CNTN5: variants seen among roughly 807,000 people sequenced by gnomAD.
CNTN5 encodes the protein contactin-5.
Under a neutral mutation model 129.1 loss-of-function variants are expected in CNTN5, and 77 were observed. The ratio of observed to expected loss-of-function variants is 0.60; its 90% CI spans 0.50 to 0.72. The LOEUF (loss-of-function observed/expected upper bound fraction) is 0.72, where lower values mean the gene tolerates loss of function less well. CNTN5 is among the 30% of genes least tolerant of loss of function. The pLI is 0.00. For synonymous variants in CNTN5, 509 were observed against 465.6 expected (o/e 1.09, Z -1.20); for missense variants, 1,478 against 1,328.8 (o/e 1.11, Z -1.75).
At chr11:99,683,294 A>G (rs1474020648) in intron 3 of CNTN5, among the ~76,000 whole-genome samples, 1 of 151,822 alleles carries the variant, frequency 6.6e-6, no homozygotes, top group Non-Finnish European at 1.5e-5. Context: ...TTTTTCATCT[A>G]GTCTCCACCT....
intron 2 of CNTN5, among the ~76,000 whole-genome samples, chr11:99,361,849 A>G (rs560067534): frequency 6.6e-6 from 1 of 152,138 alleles, no homozygotes; most frequent in Non-Finnish European, 1.5e-5. Flanking sequence ...ATAATATTCC[A>G]TTGTATGTAT....
At chr11:99,840,485 C>G (rs1454829527) in intron 4 of CNTN5, among the ~76,000 whole-genome samples, 1 of 151,734 alleles carries the variant, frequency 6.6e-6, no homozygotes, top group Non-Finnish European at 1.5e-5. Flanking sequence ...AGAGAATAAA[C>G]AGATTATTTC....
rs56798566 is a variant in CNTN5 at position 99,576,717 on chromosome 11, G to C, written c.55+20448G>C. Reference sequence around the variant, plus strand: ...CCAAAATCCAGTTGCCTGCAGATTTGGTGTTTGGGGAGGGTGTGTTTTGTC... The same window carrying C: ...CCAAAATCCAGTTGCCTGCAGATTTCGTGTTTGGGGAGGGTGTGTTTTGTC... On this transcript the variant is annotated intron_variant, in intron 3 of 24. Coordinates refer to ENST00000524871, the MANE Select transcript of CNTN5 (RefSeq NM_014361.4). Among the ~76,000 whole-genome samples, 890 of 152,222 alleles carry C rather than the reference G, an allele frequency of 5.8e-3. 8 individuals carry two copies. Among genetic ancestry groups the C allele is most frequent in the African/African-American group, 0.02 (826 of 41,530 alleles).
intron 18 of CNTN5, among the ~76,000 whole-genome samples, chr11:100,285,668 C>A (rs564765221): frequency 6.6e-6 from 1 of 152,332 alleles, no homozygotes; most frequent in South Asian, 2.1e-4. Context: ...TTTTCCTACA[C>A]TGTATTCCGT....
Position 99,239,664 on chromosome 11 carries a change from G to A in CNTN5, c.-209-85682G>A, listed in dbSNP as rs369559806. 4.6e-5 allele frequency among the ~76,000 whole-genome samples: 7 copies of A among 152,222 alleles called. No individual in the cohort carries two copies. The South Asian group carries it at 1.2e-3, about 27-fold the overall frequency. On this transcript the variant is annotated intron_variant, in intron 1 of 24. Transcript: ENST00000524871. Reference sequence around the variant, plus strand: ...CAAAAAGTCACATAAGGCCGGGCGCGGTGGCTCACGCCTGTAATCCCAGCA... The same window carrying A: ...CAAAAAGTCACATAAGGCCGGGCGCAGTGGCTCACGCCTGTAATCCCAGCA...
intron 10 of CNTN5, among the ~76,000 whole-genome samples, chr11:100,069,450 G>A (rs1474829766): frequency 6.6e-6 from 1 of 152,076 alleles, no homozygotes; most frequent in Non-Finnish European, 1.5e-5. Context: ...CACCGTCCCA[G>A]GTCCAACGTG....
intron 3 of CNTN5, among the ~76,000 whole-genome samples, chr11:99,651,699 A>C (rs897049869): frequency 6.6e-6 from 1 of 152,010 alleles, no homozygotes; most frequent in African/African-American, 2.4e-5. Context: ...TCACTTCCCT[A>C]ATATGCTTTT....
chr11:99,652,991 A>G (rs1048937540), intron 3 of CNTN5, among the ~76,000 whole-genome samples: 1 of 152,124 alleles, frequency 6.6e-6, no homozygotes, highest in South Asian at 2.1e-4. Flanking sequence ...GGTAAGCTCA[A>G]CATTTGCTGA....
At chr11:100,308,803 T>C (rs922269919) in intron 21 of CNTN5, 54 of 989,714 alleles carry the variant, frequency 5.5e-5, no homozygotes, top group Non-Finnish European at 6.3e-5. Context: ...TTCTAATAAT[T>C]TAATGTATAA....
intron 8 of CNTN5, among the ~76,000 whole-genome samples, chr11:99,970,552 A>G (rs1435558876): frequency 6.6e-6 from 1 of 152,212 alleles, no homozygotes; most frequent in Non-Finnish European, 1.5e-5. Context: ...AGGATGAAAT[A>G]CATGAATACA....
intron 1 of CNTN5, among the ~76,000 whole-genome samples, chr11:99,097,041 G>T (rs575406441): frequency 6.6e-6 from 1 of 151,928 alleles, no homozygotes; most frequent in East Asian, 1.9e-4. Flanking sequence ...TATGTTCTGT[G>T]CATATTTGCA....
chr11:100,326,001 A>T (rs1185805421), intron 21 of CNTN5, among the ~76,000 whole-genome samples: 1 of 152,244 alleles, frequency 6.6e-6, no homozygotes, highest in African/African-American at 2.4e-5. Context: ...CCTCAATGAG[A>T]TAAACGAGAA....
rs569285172 is a variant in CNTN5 at position 100,191,166 on chromosome 11, G to T, written c.1621G>T (p.Ala541Ser). The T allele has an allele frequency of 4.3e-6, 7 of 1,610,672 alleles. 1 individual carries two copies. In the South Asian group the frequency reaches 6.6e-5, roughly 15 times the overall value. ...AGACGGGAGTCTACGGATCCTAAAT[G>T]CTTCCAAATCAGACGAGGGAAAGTA... is the stretch of plus-strand genomic sequence containing the variant. ...LPDGSLRILNASKSDEGKYVC... is the reference protein window; with the variant it reads ...LPDGSLRILNSSKSDEGKYVC... Residue 541 changes from alanine to serine, a missense_variant, in exon 14 of 25, where the codon GCT (alanine) becomes TCT (serine). Ala to Ser is a moderately conservative substitution (Grantham distance 99). Transcript: ENST00000524871.
chr11:99,374,423 A>G (rs1481001855), intron 2 of CNTN5, among the ~76,000 whole-genome samples: 3 of 152,186 alleles, frequency 2.0e-5, no homozygotes, highest in East Asian at 1.9e-4. Flanking sequence ...TTTTCAATGT[A>G]TATAAAAATG....
chr11:99,947,859 T>C (rs1950586544), intron 7 of CNTN5, among the ~76,000 whole-genome samples: 1 of 152,172 alleles, frequency 6.6e-6, no homozygotes, highest in Admixed American at 6.5e-5. Context: ...AAGTTAAGCA[T>C]TTTTAAAAAT....
At chr11:99,676,909 C>A (rs1316303409) in intron 3 of CNTN5, among the ~76,000 whole-genome samples, 1 of 152,110 alleles carries the variant, frequency 6.6e-6, no homozygotes, top group East Asian at 1.9e-4. Context: ...AATCACACTG[C>A]TTAAAGCTTT....
At chr11:99,109,902 A>G (rs1282067929) in intron 1 of CNTN5, among the ~76,000 whole-genome samples, 1 of 152,154 alleles carries the variant, frequency 6.6e-6, no homozygotes, top group Non-Finnish European at 1.5e-5. Context: ...TGTTTTTCCT[A>G]GAATCTTTAC....
intron 1 of CNTN5, among the ~76,000 whole-genome samples, chr11:99,295,831 G>T (rs1227669119): frequency 6.8e-6 from 1 of 147,570 alleles, no homozygotes; most frequent in Admixed American, 6.8e-5. Context: ...AGCCGAGATT[G>T]CGCCACTGCA....
chr11:99,309,181 T>G (rs1212778278), intron 1 of CNTN5, among the ~76,000 whole-genome samples: 1 of 151,904 alleles, frequency 6.6e-6, no homozygotes, highest in Non-Finnish European at 1.5e-5. Context: ...CTTTTTCTTT[T>G]TAAATATCTA....
Sources: gnomAD v4.1 joint callset for allele counts (sites outside exome capture counted in the v4.1 genomes callset) on GRCh38, gnomAD v4.1.1 for gene constraint, MANE v1.5 for transcripts, NCBI Gene and HGNC (gene_info 2026-07-23, HGNC 2026-07-21) for gene names.